RAD51B: variants seen among roughly 807,000 people sequenced by gnomAD.
The protein encoded by RAD51B is DNA repair protein RAD51 homolog 2.
RAD51B carries 38 observed loss-of-function variants against 42.2 expected under a neutral mutation model. The ratio of observed to expected loss-of-function variants is 0.90; its 90% CI spans 0.70 to 1.18. The LOEUF (loss-of-function observed/expected upper bound fraction) is 1.18, where lower values mean the gene tolerates loss of function less well. RAD51B is among the 50% of genes most tolerant of loss of function. The pLI, the probability that RAD51B is intolerant of heterozygous loss-of-function variation, is 0.00. For missense variants in RAD51B, 373 were observed against 400.7 expected (o/e 0.93, Z 0.59); for synonymous variants, 154 against 145.2 (o/e 1.06, Z -0.43).
rs1471326079 is a variant in RAD51B at position 68,185,853 on chromosome 14, GC to G, written c.757-106028del. ...GGTGAAGTTCACCTCCTGTTGTGTGGCCCAGTTCCTAACAGGCCACAGACCA... is the reference window on the plus strand; with the variant it reads ...GGTGAAGTTCACCTCCTGTTGTGTGGCCAGTTCCTAACAGGCCACAGACCA... On this transcript the variant is annotated intron_variant, in intron 7 of 10. Transcript: ENST00000471583. 3.3e-5 allele frequency among the ~76,000 whole-genome samples: 5 copies of G among 152,098 alleles called. No homozygotes were observed. The East Asian group carries it at 7.7e-4, about 23-fold the overall frequency.
intron 10 of RAD51B, among the ~76,000 whole-genome samples, chr14:68,474,433 C>T (rs1882384155): frequency 1.3e-5 from 2 of 152,174 alleles, no homozygotes; most frequent in African/African-American, 4.8e-5. Flanking sequence ...CCCCATCTCT[C>T]TCTATCTTAA....
intron 7 of RAD51B, among the ~76,000 whole-genome samples, chr14:67,995,909 G>A (rs1021373426): frequency 9.2e-5 from 14 of 151,952 alleles, no homozygotes; most frequent in Admixed American, 2.0e-4. Flanking sequence ...GAGCCACCGC[G>A]CCCGGCCTAT....
At chr14:67,981,371 A>G (rs549924044) in intron 7 of RAD51B, among the ~76,000 whole-genome samples, 2 of 152,362 alleles carry the variant, frequency 1.3e-5, no homozygotes, top group South Asian at 4.1e-4. Flanking sequence ...GGGAATGTAA[A>G]ATGGTATAAC....
chr14:67,861,091 G>A (rs1020609211), intron 4 of RAD51B, among the ~76,000 whole-genome samples: 4 of 152,130 alleles, frequency 2.6e-5, no homozygotes, highest in African/African-American at 9.7e-5. Context: ...CGCTTGAGTG[G>A]TGGAGGTGGG....
At chr14:68,177,075 G>A (rs1354866881) in intron 7 of RAD51B, among the ~76,000 whole-genome samples, 1 of 152,174 alleles carries the variant, frequency 6.6e-6, no homozygotes, top group East Asian at 1.9e-4. Context: ...GGCCAAGAAA[G>A]GTAATGTTGG....
At chr14:68,387,586 G>C (rs1350078848) in intron 8 of RAD51B, among the ~76,000 whole-genome samples, 1 of 152,166 alleles carries the variant, frequency 6.6e-6, no homozygotes, top group Non-Finnish European at 1.5e-5. Context: ...TATTGCATGT[G>C]ACAGAAACCA....
At chr14:68,446,988 G>A (rs1403919721) in intron 9 of RAD51B, among the ~76,000 whole-genome samples, 5 of 152,128 alleles carry the variant, frequency 3.3e-5, no homozygotes, top group Non-Finnish European at 4.4e-5. Context: ...AGGCCGAGGC[G>A]GGCGGATCAC....
intron 8 of RAD51B, among the ~76,000 whole-genome samples, chr14:68,408,964 T>C (rs575434660): frequency 4.6e-4 from 69 of 151,556 alleles, no homozygotes; most frequent in African/African-American, 1.7e-3. Flanking sequence ...ACTAAATCTA[T>C]AGAGAAAAAA....
chr14:67,914,270 C>CAGGGG (rs2044081589), intron 7 of RAD51B, among the ~76,000 whole-genome samples: 1 of 152,092 alleles, frequency 6.6e-6, no homozygotes, highest in African/African-American at 2.4e-5. Context: ...GGTCTGAGCC[C>CAGGGG]CTGTGCCCGG....
At chr14:67,891,768 A>G (rs1156542454) in intron 7 of RAD51B, among the ~76,000 whole-genome samples, 2 of 152,136 alleles carry the variant, frequency 1.3e-5, no homozygotes, top group African/African-American at 4.8e-5. Flanking sequence ...AAAATAAGAA[A>G]CTAGGCCACT....
intron 11 of RAD51B, among the ~76,000 whole-genome samples, chr14:68,677,602 T>C (rs17106139): frequency 0.012 from 1,752 of 152,304 alleles, 18 homozygotes; most frequent in African/African-American, 0.039. Flanking sequence ...TGAAACCTTG[T>C]GTCCTTTATT....
intron 7 of RAD51B, among the ~76,000 whole-genome samples, chr14:67,910,405 C>CAAAAAAAAAAAA: frequency 1.1e-4 from 1 of 9,040 alleles, no homozygotes; most frequent in African/African-American, 1.2e-3. Flanking sequence ...GACTCTGTCT[C>CAAAAAAAAAAAA]AAAAAAAAAA....
Position 68,404,291 on chromosome 14 carries a change from G to A in RAD51B, c.854-7133G>A, listed in dbSNP as rs116314312. 1.9e-3 allele frequency among the ~76,000 whole-genome samples: 293 copies of A among 152,290 alleles called. 2 individuals are homozygous for A. Among genetic ancestry groups the A allele is most frequent in the African/African-American group, 6.9e-3 (286 of 41,558 alleles). ...ATCAAAAAGGAGAGAGAGGGAGTGA[G>A]CACCTCAATTTTTAGAACTTCCTCT... On this transcript the variant is annotated intron_variant, in intron 8 of 10. Coordinates refer to ENST00000471583, the MANE Select transcript of RAD51B (RefSeq NM_133510.4).
intron 10 of RAD51B, chr14:68,628,365 C>T (rs1892141404): frequency 6.6e-6 from 1 of 152,252 alleles, no homozygotes; most frequent in African/African-American, 2.4e-5. Flanking sequence ...GGGTAAAAGC[C>T]GGCACAGAAC....
At chr14:68,514,328 G>A (rs1885973021) in intron 10 of RAD51B, among the ~76,000 whole-genome samples, 1 of 152,180 alleles carries the variant, frequency 6.6e-6, no homozygotes, top group African/African-American at 2.4e-5. Context: ...AGGACCTACT[G>A]TGGCCCAATA....
chr14:68,267,878 C>G (rs1027358904), intron 7 of RAD51B, among the ~76,000 whole-genome samples: 1 of 152,162 alleles, frequency 6.6e-6, no homozygotes, highest in East Asian at 1.9e-4. Flanking sequence ...GCTTCCCTGT[C>G]CTGATTCTGG....
intron 7 of RAD51B, among the ~76,000 whole-genome samples, chr14:68,209,759 G>A (rs1456642122): frequency 1.3e-5 from 2 of 152,080 alleles, no homozygotes; most frequent in Non-Finnish European, 2.9e-5. Flanking sequence ...ATCAAAGAAA[G>A]GAATTGCACT....
rs534449949 is a variant in RAD51B at position 67,867,633 on chromosome 14, G to A, written c.452+2494G>A. On this transcript the variant is annotated intron_variant, in intron 5 of 10. Transcript: ENST00000471583. Reference sequence around the variant, plus strand: ...GGGAAAGTGAGGGGAGAAGATCGTCGTAACAATCATGATGAGTTGTCTGGT... The same window carrying A: ...GGGAAAGTGAGGGGAGAAGATCGTCATAACAATCATGATGAGTTGTCTGGT... Among the ~76,000 whole-genome samples, 37 of 152,274 alleles carry A rather than the reference G, an allele frequency of 2.4e-4. No homozygotes were observed. The South Asian group carries it at 3.5e-3, about 15-fold the overall frequency.
chr14:68,115,307 A>G (rs2077523382), intron 7 of RAD51B, among the ~76,000 whole-genome samples: 1 of 129,396 alleles, frequency 7.7e-6, no homozygotes, highest in Admixed American at 7.4e-5. Flanking sequence ...AAAAAACCAA[A>G]CACGGCATAT....
Sources: allele counts gnomAD v4.1 joint callset (sites outside exome capture counted in the v4.1 genomes callset), GRCh38; gene constraint gnomAD v4.1.1; transcripts MANE v1.5; gene names NCBI Gene and HGNC (gene_info 2026-07-23, HGNC 2026-07-21).